The following RASL10B variants were observed in gnomAD, a reference collection of about 807,000 sequenced individuals.
RASL10B encodes the protein ras-like protein family member 10B.
In RASL10B, 10 loss-of-function variants were observed where a neutral mutation model predicts 20.7. The observed-to-expected ratio is 0.48, with a 90% CI of 0.30 to 0.82. The LOEUF (loss-of-function observed/expected upper bound fraction) is 0.82, where lower values mean the gene tolerates loss of function less well. Ranked by LOEUF, RASL10B falls within the 40% of genes least tolerant of loss-of-function variation. The pLI is 0.07. For synonymous variants in RASL10B, 110 were observed against 123.3 expected, an observed-to-expected ratio of 0.89 and a Z score of 0.72; for missense variants, 231 against 295.4, an observed-to-expected ratio of 0.78 and a Z score of 1.60.
intron 1 of RASL10B, among the ~76,000 whole-genome samples, chr17:35,732,222 T>G (rs587733898): frequency 2.0e-4 from 30 of 152,320 alleles, no homozygotes; most frequent in Admixed American, 1.7e-3. Context: ...GGCAGACTTG[T>G]GACCCGGCCC....
Position 35,735,407 on chromosome 17 carries a change from G to A in RASL10B, c.216+7G>A. 1 of 1,613,104 alleles carries A rather than the reference G, an allele frequency of 6.2e-7. No individual in the cohort carries two copies. The highest frequency in any genetic ancestry group is 8.5e-7 in the Non-Finnish European group (1 of 1,179,218). On this transcript the variant is annotated splice_region_variant and intron_variant, in intron 2 of 3. Transcript: ENST00000603017. This position sits in a 1 kb window ranked among gnomAD's most constrained non-coding sequence, Gnocchi z 6.7. ...CCCTGTCAATACGCTCCAGGTAGGA[G>A]GACCCTGGGGGGCATGGGTTAGTGG...
intron 1 of RASL10B, among the ~76,000 whole-genome samples, chr17:35,732,103 G>A (rs368379700): frequency 2.0e-5 from 3 of 152,002 alleles, no homozygotes; most frequent in African/African-American, 7.3e-5. Flanking sequence ...CGGAGAGCGA[G>A]CTGGGCTTCT....
chr17:35,741,055 C>CGT lies in RASL10B; in HGVS notation c.363_364insTG (p.Pro122CysfsTer17). On this transcript the variant is annotated frameshift_variant, in exon 4 of 4. Transcript: ENST00000603017. LOFTEE classifies it high-confidence loss of function. ...CACAGGGTGATCGGAACCTCAGAGA[C>CGT]GCCCATCATCATCGTGGGCAACAAG... The CGT allele has an allele frequency of 6.2e-7, 1 of 1,606,380 alleles. No homozygotes were observed. Among genetic ancestry groups the CGT allele is most frequent in the Non-Finnish European group, 8.5e-7 (1 of 1,174,804 alleles).
Position 35,741,036 on chromosome 17 carries a change from G to C in RASL10B, c.343G>C (p.Val115Leu). Residue 115 changes from valine to leucine, a missense_variant and splice_region_variant, in exon 4 of 4, where the codon GTG becomes CTG. Transcript: ENST00000603017. The stretch of plus-strand genomic sequence containing the variant: ...TGAGCTGCCTGCCTCGCCCCACAGG[G>C]TGATCGGAACCTCAGAGACGCCCAT... ...TIRQQILETRVIGTSETPIII... is the reference protein window; with the variant it reads ...TIRQQILETRLIGTSETPIII... The C allele has an allele frequency of 6.3e-7, 1 of 1,597,654 alleles. No individual in the cohort carries two copies. Among genetic ancestry groups the C allele is most frequent in the South Asian group, 1.1e-5 (1 of 89,518 alleles).
At chr17:35,734,574 G>A (rs1382938347) in intron 1 of RASL10B, among the ~76,000 whole-genome samples, 2 of 152,152 alleles carry the variant, frequency 1.3e-5, no homozygotes, top group Non-Finnish European at 2.9e-5. Flanking sequence ...CCTCTTGGGG[G>A]CCACGGAAAG....
chr17:35,741,384 G>A lies in RASL10B; in HGVS notation c.*79G>A. On this transcript the variant is annotated 3_prime_UTR_variant, in exon 4 of 4. Coordinates refer to ENST00000603017, the MANE Select transcript of RASL10B (RefSeq NM_033315.4). ...GTACTGCGGGGCTGGGGCGGGGAGCGGGCGGGAAATGGAACTGTGACGGTC... is the reference window on the plus strand; with the variant it reads ...GTACTGCGGGGCTGGGGCGGGGAGCAGGCGGGAAATGGAACTGTGACGGTC... 7.3e-7 allele frequency: 1 copy of A among 1,364,544 alleles called. No individual in the cohort carries two copies. 84.5% of individuals were successfully genotyped at this position (1,364,544 alleles called of 1,614,324 possible). A position where few individuals can be genotyped will look rare whatever the true frequency, so the allele number is the denominator to read the frequency against.
intron 1 of RASL10B, among the ~76,000 whole-genome samples, chr17:35,733,041 C>T (rs1447161782): frequency 6.6e-6 from 1 of 152,174 alleles, no homozygotes; most frequent in Non-Finnish European, 1.5e-5. Context: ...GTTCAGGGTC[C>T]TAATCTTAGT....
At chr17:35,734,163 G>A (rs2085575543) in intron 1 of RASL10B, among the ~76,000 whole-genome samples, 1 of 152,206 alleles carries the variant, frequency 6.6e-6, no homozygotes, top group African/African-American at 2.4e-5. Context: ...GCAGGTGCCT[G>A]TAATCCCAGC....
At chr17:35,740,383 C>A (rs1568093176) in intron 2 of RASL10B, 26 bp from the exon 3 acceptor site, 1 of 1,610,642 alleles carries the variant, frequency 6.2e-7, no homozygotes, top group Non-Finnish European at 8.5e-7. Flanking sequence ...CTGCTCTGAC[C>A]CTGGTACTGG....
Position 35,741,218 on chromosome 17 carries a change from G to T in RASL10B, c.525G>T (p.Lys175Asn). ...HILLLFSELL[K>N]SVGCARCKHV... ...TGCTGCTCTTCAGCGAGCTGCTCAA[G>T]AGCGTCGGCTGCGCCCGTTGCAAGC... Residue 175 changes from lysine (K) to asparagine (N), a missense_variant, in exon 4 of 4, where the codon AAG becomes AAT. Physicochemically the swap from Lys to Asn is moderately conservative, Grantham distance 94. Transcript: ENST00000603017. 6.2e-7 allele frequency: 1 copy of T among 1,611,438 alleles called. No homozygotes were observed.
rs1387328789 is a variant in RASL10B at position 35,735,229 on chromosome 17, G to C, written c.45G>C (p.Val15=). Residue 15 remains valine (V), a synonymous_variant, in exon 2 of 4, where the codon GTG becomes GTC. Coordinates refer to ENST00000603017, the MANE Select transcript of RASL10B (RefSeq NM_033315.4). The surrounding 1 kb of genome is among the most constrained non-coding windows in gnomAD (Gnocchi z 6.7). ...YRVAVLGARG[V]GKSAIVRQFL... Reference sequence around the variant, plus strand: ...TGGCCGTGCTGGGGGCGCGAGGTGTGGGCAAGAGTGCCATCGTGCGCCAGT... The same window carrying C: ...TGGCCGTGCTGGGGGCGCGAGGTGTCGGCAAGAGTGCCATCGTGCGCCAGT... 3 of 1,612,910 alleles carry C rather than the reference G, an allele frequency of 1.9e-6. No individual in the cohort carries two copies. The African/African-American group carries it at 4.0e-5, about 22-fold the overall frequency.
chr17:35,735,318 C>T lies in RASL10B; in HGVS notation c.134C>T (p.Ala45Val), dbSNP rs782161802. 2 of 1,614,166 alleles carry T rather than the reference C, an allele frequency of 1.2e-6. No individual in the cohort carries two copies. The highest frequency in any genetic ancestry group is 8.5e-7 in the Non-Finnish European group (1 of 1,180,050). The change falls in exon 2 of 4, where the codon GCT becomes GTT. Residue 45 changes from alanine to valine, a missense_variant. Transcript: ENST00000603017. This position sits in a 1 kb window ranked among gnomAD's most constrained non-coding sequence, Gnocchi z 6.7. ...PTTARRLYLP[A>V]VVMNGHVHDL... ...ACCGCCCGCCGCCTTTACCTGCCTG[C>T]TGTCGTCATGAACGGCCACGTGCAC...
intron 2 of RASL10B, among the ~76,000 whole-genome samples, chr17:35,736,337 C>T (rs1230732788): frequency 3.3e-5 from 5 of 152,230 alleles, no homozygotes; most frequent in Admixed American, 1.3e-4. Context: ...GGACAAGGCT[C>T]GTCCAGGTGT....
chr17:35,739,055 G>A (rs782629043), intron 2 of RASL10B, among the ~76,000 whole-genome samples: 9 of 152,102 alleles, frequency 5.9e-5, no homozygotes, highest in East Asian at 3.9e-4. Context: ...GCATCCTCCC[G>A]CCGCACCAAA....
At chr17:35,734,153 G>A (rs1391779481) in intron 1 of RASL10B, among the ~76,000 whole-genome samples, 1 of 152,184 alleles carries the variant, frequency 6.6e-6, no homozygotes, top group Non-Finnish European at 1.5e-5. Context: ...GGGTGTGGTG[G>A]CAGGTGCCTG....
chr17:35,741,222 G>T lies in RASL10B; in HGVS notation c.529G>T (p.Val177Phe). 1 of 1,610,086 alleles carries T rather than the reference G, an allele frequency of 6.2e-7. No homozygotes were observed. Among genetic ancestry groups the T allele is most frequent in the Non-Finnish European group, 8.5e-7 (1 of 1,178,496 alleles). Residue 177 changes from valine (V) to phenylalanine (F), a missense_variant, in exon 4 of 4, where the codon GTC becomes TTC. Val to Phe is a conservative substitution (Grantham distance 50, BLOSUM62 -1). Transcript: ENST00000603017. Reference protein sequence around the residue: ...LLLFSELLKSVGCARCKHVHA... With the variant: ...LLLFSELLKSFGCARCKHVHA... ...GCTCTTCAGCGAGCTGCTCAAGAGC[G>T]TCGGCTGCGCCCGTTGCAAGCACGT...
At chr17:35,732,640 G>A (rs1555596519) in intron 1 of RASL10B, among the ~76,000 whole-genome samples, 4 of 152,156 alleles carry the variant, frequency 2.6e-5, no homozygotes, top group Non-Finnish European at 1.5e-5. Context: ...TAGCTCCTGG[G>A]TAGTGCCCCT....
At chr17:35,740,917 G>A in intron 3 of RASL10B, 118 bp from the exon 4 acceptor site, 2 of 807,836 alleles carry the variant, frequency 2.5e-6, no homozygotes, top group Non-Finnish European at 1.9e-6. Flanking sequence ...AGGGCTTAGG[G>A]CTGCGCCTGG....
rs1555597070 is a variant in RASL10B at position 35,735,415 on chromosome 17, G to C, written c.216+15G>C. ...ATACGCTCCAGGTAGGAGGACCCTG[G>C]GGGGCATGGGTTAGTGGGGAAACGG... On this transcript the variant is annotated intron_variant, in intron 2 of 3. Transcript: ENST00000603017. This position sits in a 1 kb window ranked among gnomAD's most constrained non-coding sequence, Gnocchi z 6.7. 3.7e-6 allele frequency: 6 copies of C among 1,612,250 alleles called. No individual in the cohort carries two copies. The Admixed American group carries it at 8.3e-5, about 22-fold the overall frequency.
Sources: gnomAD v4.1 joint callset for allele counts (sites outside exome capture counted in the v4.1 genomes callset) on GRCh38, gnomAD v4.1.1 for gene constraint, Gnocchi (gnomAD v3.1) non-coding constraint, MANE v1.5 for transcripts, NCBI Gene and HGNC (gene_info 2026-07-23, HGNC 2026-07-21) for gene names.